The following CDH13 variants were observed in gnomAD, a reference collection of about 807,000 sequenced individuals.
CDH13 encodes the protein cadherin-13.
Under a neutral mutation model 63.8 loss-of-function variants are expected in CDH13, and 24 were observed. That is an observed-to-expected ratio of 0.38 (90% CI 0.27 to 0.53). The LOEUF is 0.53. CDH13 is among the 20% of genes least tolerant of loss of function. CDH13 has a pLI of 0.85. For missense variants in CDH13, 1,049 were observed against 903.1 expected, an observed-to-expected ratio of 1.16 and a Z score of -2.07; for synonymous variants, 503 against 355.3, an observed-to-expected ratio of 1.42 and a Z score of -4.67.
chr16:82,813,647 C>T (rs964065810), intron 1 of CDH13, among the ~76,000 whole-genome samples: 2 of 152,094 alleles, frequency 1.3e-5, no homozygotes, highest in Non-Finnish European at 2.9e-5. Flanking sequence ...ATTGCTGGGG[C>T]TGGACTTTGC....
At chr16:82,865,638 C>T (rs1356043221) in intron 2 of CDH13, among the ~76,000 whole-genome samples, 7 of 152,218 alleles carry the variant, frequency 4.6e-5, no homozygotes, top group Admixed American at 2.6e-4. Flanking sequence ...TCCTCCTAGG[C>T]CTCAGGGCCT....
intron 1 of CDH13, among the ~76,000 whole-genome samples, chr16:82,733,579 A>G (rs1336845672): frequency 3.3e-5 from 5 of 152,174 alleles, no homozygotes; most frequent in Non-Finnish European, 5.9e-5. Flanking sequence ...CCTATGAGAC[A>G]TTCAACATTC....
At chr16:82,858,308 G>C in intron 1 of CDH13, 54 bp from the exon 2 acceptor site, 1 of 1,210,032 alleles carries the variant, frequency 8.3e-7, no homozygotes, top group Non-Finnish European at 1.2e-6. Flanking sequence ...GCGAAAGTTA[G>C]CAGGGCAAAC....
intron 3 of CDH13, among the ~76,000 whole-genome samples, chr16:83,046,547 G>T (rs1408182870): frequency 6.6e-6 from 1 of 152,132 alleles, no homozygotes; most frequent in Non-Finnish European, 1.5e-5. Flanking sequence ...AATTTCAAAT[G>T]CAAACAAAAA....
intron 6 of CDH13, among the ~76,000 whole-genome samples, chr16:83,376,922 G>A (rs1413559563): frequency 1.3e-5 from 2 of 152,164 alleles, no homozygotes; most frequent in Non-Finnish European, 2.9e-5. Context: ...CACCACATAA[G>A]AAGTTTGGCT....
intron 1 of CDH13, among the ~76,000 whole-genome samples, chr16:82,745,777 T>C (rs1398410091): frequency 6.6e-6 from 1 of 152,178 alleles, no homozygotes; most frequent in African/African-American, 2.4e-5. Flanking sequence ...ACAATTTAAG[T>C]AACTATTTCC....
At chr16:82,801,183 C>T (rs1197012840) in intron 1 of CDH13, among the ~76,000 whole-genome samples, 1 of 152,184 alleles carries the variant, frequency 6.6e-6, no homozygotes, top group Non-Finnish European at 1.5e-5. Flanking sequence ...CTCTGCCCTA[C>T]AGAGCCTTAG....
At position 83,066,855 on chromosome 16, in the gene CDH13, T is replaced by C. The variant is rs376295204; in HGVS notation, c.366+34637T>C. On this transcript the variant is annotated intron_variant, in intron 3 of 13. Coordinates refer to ENST00000567109, the MANE Select transcript of CDH13 (RefSeq NM_001257.5). ...ACCAATTCATAATCAGAAGGCTGCT[T>C]AGTGAGCATGAAGTGTTGGTTAGAG... Among the ~76,000 whole-genome samples, 83 of 152,306 alleles carry C rather than the reference T, an allele frequency of 5.4e-4. 2 individuals are homozygous for C. The South Asian group carries it at 0.017, about 31-fold the overall frequency.
intron 6 of CDH13, among the ~76,000 whole-genome samples, chr16:83,372,066 A>G (rs2091377135): frequency 6.6e-6 from 1 of 152,216 alleles, no homozygotes; most frequent in Non-Finnish European, 1.5e-5. Context: ...AAACATCACC[A>G]TCATCAACAA....
intron 10 of CDH13, among the ~76,000 whole-genome samples, chr16:83,683,285 A>G (rs1372257129): frequency 2.6e-5 from 4 of 152,246 alleles, no homozygotes; most frequent in Non-Finnish European, 2.9e-5. Flanking sequence ...AATGACTTTT[A>G]TCTTCTTATC....
intron 7 of CDH13, among the ~76,000 whole-genome samples, chr16:83,558,120 A>G (rs1168434438): frequency 1.3e-5 from 2 of 152,190 alleles, no homozygotes; most frequent in Non-Finnish European, 2.9e-5. Flanking sequence ...CTACACTGAC[A>G]AGAATCCTTC....
intron 6 of CDH13, among the ~76,000 whole-genome samples, chr16:83,421,518 A>T (rs2071713253): frequency 6.6e-6 from 1 of 152,194 alleles, no homozygotes; most frequent in Non-Finnish European, 1.5e-5. Flanking sequence ...AACTCTAGAC[A>T]CATCAAGATC....
At chr16:82,809,546 C>G (rs1160005745) in intron 1 of CDH13, among the ~76,000 whole-genome samples, 2 of 152,092 alleles carry the variant, frequency 1.3e-5, no homozygotes, top group Non-Finnish European at 2.9e-5. Flanking sequence ...AATACTAACC[C>G]TGAAATCAGG....
chr16:83,669,712 A>G (rs1431788165), intron 8 of CDH13, among the ~76,000 whole-genome samples: 2 of 152,242 alleles, frequency 1.3e-5, no homozygotes, highest in Non-Finnish European at 2.9e-5. Context: ...TTAATCAGCC[A>G]CTGCTTTTGA....
chr16:83,096,831 T>C (rs1476250124), intron 3 of CDH13, among the ~76,000 whole-genome samples: 1 of 152,240 alleles, frequency 6.6e-6, no homozygotes, highest in African/African-American at 2.4e-5. Flanking sequence ...AATGATGATT[T>C]TTTTATACCT....
chr16:83,460,405 C>T (rs1341746799), intron 6 of CDH13, among the ~76,000 whole-genome samples: 1 of 152,146 alleles, frequency 6.6e-6, no homozygotes, highest in East Asian at 1.9e-4. Flanking sequence ...TCATTTATGC[C>T]CCTGGGCACA....
chr16:82,966,298 G>C (rs560434278), intron 2 of CDH13, among the ~76,000 whole-genome samples: 1 of 151,796 alleles, frequency 6.6e-6, no homozygotes, highest in Non-Finnish European at 1.5e-5. Flanking sequence ...ACAGGCGCCC[G>C]CCACCACGCC....
intron 7 of CDH13, among the ~76,000 whole-genome samples, chr16:83,490,574 G>T (rs562346967): frequency 6.6e-6 from 1 of 152,210 alleles, no homozygotes; most frequent in South Asian, 2.1e-4. Context: ...AGAGTCTATG[G>T]CCTATCTGCT....
intron 4 of CDH13, among the ~76,000 whole-genome samples, chr16:83,156,644 C>T (rs917035616): frequency 6.6e-6 from 1 of 152,160 alleles, no homozygotes; most frequent in African/African-American, 2.4e-5. Context: ...AGGACTACAT[C>T]AAGTTTTACT....
Sources: gnomAD v4.1 joint callset for allele counts (sites outside exome capture counted in the v4.1 genomes callset) on GRCh38, gnomAD v4.1.1 for gene constraint, MANE v1.5 for transcripts, NCBI Gene and HGNC (gene_info 2026-07-23, HGNC 2026-07-21) for gene names.